EXOC4: variants seen among roughly 807,000 people sequenced by gnomAD.
EXOC4 encodes SEC8-like 1.
EXOC4 carries 71 observed loss-of-function variants against 107.2 expected under a neutral mutation model. That is an observed-to-expected ratio of 0.66 (90% CI 0.55 to 0.81). The LOEUF is 0.81. EXOC4 is among the 30% of genes least tolerant of loss of function. The pLI is 0.00. For missense variants in EXOC4, 1,108 were observed against 1,189.6 expected (o/e 0.93, Z 1.01); for synonymous variants, 456 against 441.2 (o/e 1.03, Z -0.42).
intron 3 of EXOC4, among the ~76,000 whole-genome samples, chr7:133,299,948 A>G (rs546768391): frequency 6.6e-6 from 1 of 152,312 alleles, no homozygotes; most frequent in African/African-American, 2.4e-5. Flanking sequence ...AGCTCAACTA[A>G]TAACAACCCC....
intron 7 of EXOC4, among the ~76,000 whole-genome samples, chr7:133,409,195 G>A (rs1222119744): frequency 6.6e-6 from 1 of 152,176 alleles, no homozygotes; most frequent in African/African-American, 2.4e-5. Flanking sequence ...GAATGATCAA[G>A]TTTTATTGCC....
intron 12 of EXOC4, among the ~76,000 whole-genome samples, chr7:133,899,934 A>G (rs530891199): frequency 6.6e-6 from 1 of 151,888 alleles, no homozygotes; most frequent in African/African-American, 2.4e-5. Context: ...TTTAGTAGAG[A>G]TGGAGTTTCA....
At chr7:133,979,665 G>A (rs1210825491) in intron 14 of EXOC4, among the ~76,000 whole-genome samples, 1 of 152,016 alleles carries the variant, frequency 6.6e-6, no homozygotes, top group Non-Finnish European at 1.5e-5. Context: ...GCGGGCGCCT[G>A]TAGTCCCAGC....
chr7:134,009,427 T>A (rs1794717850), intron 17 of EXOC4, among the ~76,000 whole-genome samples: 1 of 152,226 alleles, frequency 6.6e-6, no homozygotes, highest in African/African-American at 2.4e-5. Context: ...ATTTGTTCCA[T>A]TGCTACCCTG....
chr7:133,533,433 C>G (rs1438935756), intron 9 of EXOC4, among the ~76,000 whole-genome samples: 1 of 152,086 alleles, frequency 6.6e-6, no homozygotes, highest in Admixed American at 6.6e-5. Context: ...CTCATCGGTA[C>G]AGGTTAATAT....
the EXOC4 span, among the ~76,000 whole-genome samples, chr7:134,083,037 G>A: frequency 2.4e-4 from 37 of 152,210 alleles, no homozygotes; most frequent in African/African-American, 8.7e-4. Context: ...CTGGAAAAGG[G>A]TGGAATCTTT....
chr7:134,066,273 A>C (rs1321603669), downstream of EXOC4: 1 of 152,066 alleles, frequency 6.6e-6, no homozygotes, highest in Non-Finnish European at 1.5e-5. Context: ...GAGAACCCGG[A>C]GTGGTGACAG....
chr7:133,795,083 A>G (rs1411766695), intron 10 of EXOC4, among the ~76,000 whole-genome samples: 1 of 152,042 alleles, frequency 6.6e-6, no homozygotes, highest in African/African-American at 2.4e-5. Context: ...ACTTTTTTTA[A>G]AAAATCAAGT....
At position 133,616,046 on chromosome 7, in the gene EXOC4, C is replaced by T. The variant is rs150191795; in HGVS notation, c.1418-13999C>T. On this transcript the variant is annotated intron_variant, in intron 9 of 17. Coordinates refer to ENST00000253861, the MANE Select transcript of EXOC4 (RefSeq NM_021807.4). Reference sequence around the variant, plus strand: ...ATTAGGAGTTCTGTATTATGTGTTACCATTGCCAGTCTGTTTACCTATCTT... The same window carrying T: ...ATTAGGAGTTCTGTATTATGTGTTATCATTGCCAGTCTGTTTACCTATCTT... 3.8e-3 allele frequency among the ~76,000 whole-genome samples: 577 copies of T among 152,178 alleles called. 3 individuals carry two copies. Among genetic ancestry groups the T allele is most frequent in the Non-Finnish European group, 6.2e-3 (418 of 67,966 alleles).
intron 11 of EXOC4, among the ~76,000 whole-genome samples, chr7:133,866,409 A>G (rs1170815937): frequency 1.3e-5 from 2 of 152,064 alleles, no homozygotes; most frequent in African/African-American, 4.8e-5. Flanking sequence ...GGGGGCAGGG[A>G]ACTAAGGAAT....
intron 11 of EXOC4, among the ~76,000 whole-genome samples, chr7:133,844,538 C>G (rs796270237): frequency 4.6e-5 from 7 of 151,760 alleles, no homozygotes; most frequent in African/African-American, 1.7e-4. Flanking sequence ...TACAGGCATG[C>G]ACCACCACAC....
At chr7:134,099,352 A>AC in the EXOC4 span, among the ~76,000 whole-genome samples, 3 of 138,832 alleles carry the variant, frequency 2.2e-5, no homozygotes, top group African/African-American at 9.4e-5. Context: ...CCACTCTCTG[A>AC]CCTCCCTCTC....
chr7:133,548,755 G>A (rs1408554732), intron 9 of EXOC4, among the ~76,000 whole-genome samples: 3 of 152,190 alleles, frequency 2.0e-5, no homozygotes, highest in Non-Finnish European at 2.9e-5. Flanking sequence ...TGGATTAGGC[G>A]TTTGCTTAAG....
rs1034087563 is a variant in EXOC4 at position 133,392,094 on chromosome 7, A to G, written c.1182+17092A>G. 3.3e-5 allele frequency among the ~76,000 whole-genome samples: 5 copies of G among 152,358 alleles called. No individual in the cohort carries two copies. The South Asian group carries it at 1.0e-3, about 32-fold the overall frequency. ...TTTCTGCAGTGAGAACTATCGGACC[A>G]TAGGATATTCCCCTAGGAAAATTGG... On this transcript the variant is annotated intron_variant, in intron 7 of 17. Coordinates refer to ENST00000253861, the MANE Select transcript of EXOC4 (RefSeq NM_021807.4).
chr7:133,662,270 G>A (rs1009862269), intron 10 of EXOC4, among the ~76,000 whole-genome samples: 4 of 152,076 alleles, frequency 2.6e-5, no homozygotes, highest in Non-Finnish European at 5.9e-5. Flanking sequence ...GAACATACCC[G>A]TATTAAGGGT....
intron 11 of EXOC4, among the ~76,000 whole-genome samples, chr7:133,855,566 A>C (rs532579608): frequency 2.2e-4 from 33 of 152,114 alleles, no homozygotes; most frequent in African/African-American, 7.7e-4. Context: ...ATTTTTCTCC[A>C]CCCTAAGTGC....
At chr7:133,826,477 C>T (rs1038656216) in intron 11 of EXOC4, among the ~76,000 whole-genome samples, 1 of 152,134 alleles carries the variant, frequency 6.6e-6, no homozygotes, top group Non-Finnish European at 1.5e-5. Context: ...TGAGCTTCCC[C>T]TCTCTCATGT....
chr7:133,587,844 T>G (rs185803724), intron 9 of EXOC4, among the ~76,000 whole-genome samples: 3 of 152,348 alleles, frequency 2.0e-5, no homozygotes, highest in African/African-American at 7.2e-5. Context: ...GTTGTTGCTA[T>G]TGCTTTTGTT....
At chr7:133,528,804 A>C (rs1800127185) in intron 9 of EXOC4, among the ~76,000 whole-genome samples, 1 of 152,142 alleles carries the variant, frequency 6.6e-6, no homozygotes, top group African/African-American at 2.4e-5. Context: ...AAGTTTGGAG[A>C]AGAAAGATCC....
Sources: allele counts gnomAD v4.1 joint callset (sites outside exome capture counted in the v4.1 genomes callset), GRCh38; gene constraint gnomAD v4.1.1; transcripts MANE v1.5; gene names NCBI Gene and HGNC (gene_info 2026-07-23, HGNC 2026-07-21).